The following RIC1 variants were observed in gnomAD, a reference collection of about 807,000 sequenced individuals.
The protein encoded by RIC1 is RIC1 partner of RAB6A GEF complex.
RIC1 carries 88 observed loss-of-function variants against 169.0 expected under a neutral mutation model. The ratio of observed to expected loss-of-function variants is 0.52; its 90% CI spans 0.44 to 0.62. The LOEUF is 0.62. Ranked by LOEUF, RIC1 falls within the 20% of genes least tolerant of loss-of-function variation. RIC1 has a pLI of 0.00. For synonymous variants in RIC1, 790 were observed against 601.5 expected, an observed-to-expected ratio of 1.31 and a Z score of -4.59; for missense variants, 1,877 against 1,725.5, an observed-to-expected ratio of 1.09 and a Z score of -1.56.
At position 5,763,867 on chromosome 9, in the gene RIC1, A is replaced by T; in HGVS notation, c.2840A>T (p.Gln947Leu). The change falls in exon 19 of 26, where the codon CAG becomes CTG. Residue 947 changes from glutamine to leucine, a missense_variant and splice_region_variant. Coordinates refer to ENST00000414202, the MANE Select transcript of RIC1 (RefSeq NM_020829.4). The surrounding 1 kb of genome is among the most constrained non-coding windows in gnomAD (Gnocchi z 5.2). ...DTAASYLIIL[Q>L]NMEVPAVSRQ... ...GCTGCCTCTTACCTTATTATCTTACAGGTAACAATTCTCTTCTTATAAAGG... is the reference window on the plus strand; with the variant it reads ...GCTGCCTCTTACCTTATTATCTTACTGGTAACAATTCTCTTCTTATAAAGG... 1 of 1,605,158 alleles carries T rather than the reference A, an allele frequency of 6.2e-7. No homozygotes were observed.
chr9:5,633,676 G>C (rs1202812090), intron 1 of RIC1, among the ~76,000 whole-genome samples: 1 of 152,096 alleles, frequency 6.6e-6, no homozygotes, highest in Non-Finnish European at 1.5e-5. Context: ...ATCACAATCA[G>C]TCTAATTAAC....
At chr9:5,640,621 G>T (rs1007210281) in intron 1 of RIC1, among the ~76,000 whole-genome samples, 2 of 152,156 alleles carry the variant, frequency 1.3e-5, no homozygotes, top group African/African-American at 2.4e-5. Flanking sequence ...TAATTGTGCT[G>T]TGTAAACTAC....
chr9:5,695,279 T>C (rs1479986840), intron 3 of RIC1, among the ~76,000 whole-genome samples: 1 of 152,172 alleles, frequency 6.6e-6, no homozygotes, highest in Non-Finnish European at 1.5e-5. Flanking sequence ...TAATTTATAG[T>C]TAGTAAGAAA....
At chr9:5,681,545 G>T (rs1171043285) in intron 2 of RIC1, among the ~76,000 whole-genome samples, 1 of 152,186 alleles carries the variant, frequency 6.6e-6, no homozygotes, top group East Asian at 1.9e-4. Flanking sequence ...CATTTGCTGA[G>T]GAGTGCCTTA....
chr9:5,715,925 G>A (rs1823211753), intron 4 of RIC1, among the ~76,000 whole-genome samples: 1 of 151,834 alleles, frequency 6.6e-6, no homozygotes, highest in Admixed American at 6.6e-5. Context: ...ACAGCTCACT[G>A]CAGCCTCAGC....
intron 4 of RIC1, among the ~76,000 whole-genome samples, chr9:5,716,565 A>T (rs192558772): frequency 4.1e-4 from 63 of 152,336 alleles, no homozygotes; most frequent in East Asian, 9.6e-4. Context: ...GTGAGCTGAG[A>T]TTGTGCCACT....
chr9:5,635,525 GT>G (rs1478822758), intron 1 of RIC1, among the ~76,000 whole-genome samples: 1 of 152,092 alleles, frequency 6.6e-6, no homozygotes, highest in East Asian at 1.9e-4. Context: ...ACTCCATTCT[GT>G]TGCATTGGTC....
intron 21 of RIC1, among the ~76,000 whole-genome samples, chr9:5,767,359 A>G (rs1243404441): frequency 2.0e-5 from 3 of 152,332 alleles, no homozygotes; most frequent in Non-Finnish European, 2.9e-5. Flanking sequence ...TCACACTAAC[A>G]TTATAAAATC....
At chr9:5,747,276 C>T in intron 11 of RIC1, 26 bp from the exon 12 acceptor site, 1 of 1,594,298 alleles carries the variant, frequency 6.3e-7, no homozygotes, top group Non-Finnish European at 8.6e-7. Context: ...CTCCTTTGCC[C>T]TTTTGTTCCT....
chr9:5,639,214 C>A lies in RIC1; in HGVS notation c.144+9761C>A, dbSNP rs188264620. On this transcript the variant is annotated intron_variant, in intron 1 of 25. Coordinates refer to ENST00000414202, the MANE Select transcript of RIC1 (RefSeq NM_020829.4). Reference sequence around the variant, plus strand: ...GCCACTATACCCGGCCATTTTTCTTCTTTTATGGTGTAATACTTATAGCTA... The same window carrying A: ...GCCACTATACCCGGCCATTTTTCTTATTTTATGGTGTAATACTTATAGCTA... Among the ~76,000 whole-genome samples, 127 of 152,264 alleles carry A rather than the reference C, an allele frequency of 8.3e-4. 2 individuals are homozygous for A. Among genetic ancestry groups the A allele is most frequent in the Admixed American group, 6.3e-3 (96 of 15,288 alleles).
At chr9:5,711,124 A>G (rs1286040407) in intron 3 of RIC1, among the ~76,000 whole-genome samples, 5 of 152,180 alleles carry the variant, frequency 3.3e-5, no homozygotes, top group African/African-American at 1.2e-4. Flanking sequence ...TTATTTTGAA[A>G]TTTCAGAACC....
chr9:5,651,229 A>G (rs1182224378), intron 1 of RIC1, among the ~76,000 whole-genome samples: 1 of 152,190 alleles, frequency 6.6e-6, no homozygotes, highest in South Asian at 2.1e-4. Flanking sequence ...CTCCAGGTCG[A>G]TAAAGGCCAA....
chr9:5,747,802 T>TA lies in RIC1; in HGVS notation c.1452+297_1452+298insA, dbSNP rs397952559. 2.8e-3 allele frequency among the ~76,000 whole-genome samples: 415 copies of TA among 150,164 alleles called. 4 individuals are homozygous for TA. The highest frequency in any genetic ancestry group is 9.2e-3 in the African/African-American group (379 of 41,114). On this transcript the variant is annotated intron_variant, in intron 12 of 25. Coordinates refer to ENST00000414202, the MANE Select transcript of RIC1 (RefSeq NM_020829.4). ...TTATTTTACTTTCAGCCTCTTTTTTTGTATAAATTTAGCTCTACGGATTTG... is the reference window on the plus strand; with the variant it reads ...TTATTTTACTTTCAGCCTCTTTTTTTAGTATAAATTTAGCTCTACGGATTTG...
At chr9:5,686,660 G>C (rs1821253139) in intron 2 of RIC1, among the ~76,000 whole-genome samples, 1 of 151,154 alleles carries the variant, frequency 6.6e-6, no homozygotes, top group Admixed American at 6.6e-5. Flanking sequence ...ATAGCACTGG[G>C]AGATATACCT....
chr9:5,714,110 T>C, intron 4 of RIC1, 107 bp downstream of exon 4: 1 of 657,786 alleles, frequency 1.5e-6, no homozygotes, highest in Non-Finnish European at 2.5e-6. Context: ...TAATTCAAGA[T>C]AACTTCTTAG....
At chr9:5,642,998 C>G (rs555659695) in intron 1 of RIC1, among the ~76,000 whole-genome samples, 1 of 152,142 alleles carries the variant, frequency 6.6e-6, no homozygotes, top group South Asian at 2.1e-4. Flanking sequence ...TGAAGGAATA[C>G]AATAAAAACA....
At position 5,767,209 on chromosome 9, in the gene RIC1, G is replaced by A. The variant is rs554209804; in HGVS notation, c.3137+1411G>A. ...TTATACTTTTTGATATAAATTTAGT[G>A]CTAATGCATTTGACACTCTTGTGAC... On this transcript the variant is annotated intron_variant, in intron 21 of 25. Transcript: ENST00000414202. Among the ~76,000 whole-genome samples the A allele has an allele frequency of 2.0e-5, 3 of 152,250 alleles. No individual in the cohort carries two copies. The South Asian group carries it at 6.2e-4, about 32-fold the overall frequency.
At chr9:5,735,878 G>A (rs1191513686) in intron 7 of RIC1, among the ~76,000 whole-genome samples, 1 of 152,160 alleles carries the variant, frequency 6.6e-6, no homozygotes, top group African/African-American at 2.4e-5. Context: ...AGTTGTTTCA[G>A]TATTAATGAC....
At chr9:5,657,045 C>A (rs537672054) in intron 2 of RIC1, among the ~76,000 whole-genome samples, 8 of 152,234 alleles carry the variant, frequency 5.3e-5, no homozygotes, top group African/African-American at 1.9e-4. Flanking sequence ...TTCCTTCCAT[C>A]CCTAAACATA....
Sources: allele counts gnomAD v4.1 joint callset (sites outside exome capture counted in the v4.1 genomes callset), GRCh38; gene constraint gnomAD v4.1.1; non-coding constraint Gnocchi (gnomAD v3.1); transcripts MANE v1.5; gene names NCBI Gene and HGNC (gene_info 2026-07-23, HGNC 2026-07-21).